The following GPATCH1 variants were observed in gnomAD, a reference collection of about 807,000 sequenced individuals.
The protein encoded by GPATCH1 is G-patch domain containing 1, also known as G patch domain-containing protein 1.
Under a neutral mutation model 114.9 loss-of-function variants are expected in GPATCH1, and 73 were observed. That is an observed-to-expected ratio of 0.64 (90% CI 0.53 to 0.77). The LOEUF (loss-of-function observed/expected upper bound fraction) is 0.77, where lower values mean the gene tolerates loss of function less well. Among genes scored for constraint, GPATCH1 ranks in the 30% least tolerant of loss-of-function variants. GPATCH1 has a pLI of 0.00. For synonymous variants in GPATCH1, 391 were observed against 428.4 expected (o/e 0.91, Z 1.08); for missense variants, 1,058 against 1,144.3 (o/e 0.92, Z 1.09).
intron 10 of GPATCH1, among the ~76,000 whole-genome samples, chr19:33,107,800 C>T (rs886359585): frequency 1.3e-5 from 2 of 151,998 alleles, no homozygotes; most frequent in African/African-American, 2.4e-5. Flanking sequence ...ATCCACTGCT[C>T]GGACCAGGAT....
At chr19:33,103,528 C>A (rs2145318831) in intron 9 of GPATCH1, among the ~76,000 whole-genome samples, 1 of 152,046 alleles carries the variant, frequency 6.6e-6, no homozygotes, top group East Asian at 1.9e-4. Context: ...TGGCGAAACC[C>A]CACCTCTACT....
chr19:33,084,868 C>T (rs1252068434), intron 1 of GPATCH1, among the ~76,000 whole-genome samples: 2 of 151,804 alleles, frequency 1.3e-5, no homozygotes, highest in African/African-American at 2.4e-5. Flanking sequence ...ACAATGTTGG[C>T]CAGGCTGGTC....
intron 8 of GPATCH1, among the ~76,000 whole-genome samples, chr19:33,099,057 T>G (rs751982393): frequency 1.4e-4 from 21 of 148,678 alleles, no homozygotes; most frequent in Non-Finnish European, 2.7e-4. Flanking sequence ...TATATCATAA[T>G]ATACTATTTA....
chr19:33,112,826 C>T (rs1439748606), intron 13 of GPATCH1: 1 of 410,092 alleles, frequency 2.4e-6, no homozygotes, highest in Non-Finnish European at 4.3e-6. Flanking sequence ...AACTTTATTC[C>T]ATATTGAAGC....
chr19:33,113,482 C>T, intron 13 of GPATCH1: 1 of 293,654 alleles, frequency 3.4e-6, no homozygotes, highest in Non-Finnish European at 6.3e-6. Flanking sequence ...CATATGTGGT[C>T]AAACCAGAGA....
At chr19:33,093,641 G>T (rs966448832) in intron 4 of GPATCH1, 122 bp downstream of exon 4, 1 of 909,764 alleles carries the variant, frequency 1.1e-6, no homozygotes, top group South Asian at 1.6e-5. Context: ...AAGTCTAAGT[G>T]AAAAAGGGGG....
chr19:33,103,391 G>A (rs1032111895), intron 9 of GPATCH1, among the ~76,000 whole-genome samples: 1 of 152,114 alleles, frequency 6.6e-6, no homozygotes, highest in Non-Finnish European at 1.5e-5. Flanking sequence ...AAATGCAGGT[G>A]TTTTACATGT....
At chr19:33,083,609 G>A (rs1972504146) in intron 1 of GPATCH1, among the ~76,000 whole-genome samples, 1 of 152,050 alleles carries the variant, frequency 6.6e-6, no homozygotes, top group Non-Finnish European at 1.5e-5. Flanking sequence ...TGGCCAGGCT[G>A]GTCTTGAAGT....
chr19:33,096,257 T>A lies in GPATCH1; in HGVS notation c.663T>A (p.Asp221Glu). 1.9e-6 allele frequency: 3 copies of A among 1,613,382 alleles called. No homozygotes were observed. The highest frequency in any genetic ancestry group is 2.5e-6 in the Non-Finnish European group (3 of 1,179,300). ...LPDNVTFAPKDVTPVDFTPKD... is the reference protein window; with the variant it reads ...LPDNVTFAPKEVTPVDFTPKD... ...ATAATGTGACCTTTGCACCCAAAGA[T>A]GTCACACCTGTGGATTTCACACCTA... Residue 221 changes from aspartate (D) to glutamate (E), a missense_variant, in exon 7 of 20, where the codon GAT becomes GAA. By Grantham distance (45) the Asp-to-Glu change is conservative. Transcript: ENST00000170564.
intron 2 of GPATCH1, among the ~76,000 whole-genome samples, chr19:33,090,478 C>G (rs1481002264): frequency 1.3e-5 from 2 of 152,200 alleles, no homozygotes; most frequent in African/African-American, 4.8e-5. Context: ...GACCTTGCAT[C>G]TGTCAGCTCA....
intron 19 of GPATCH1, among the ~76,000 whole-genome samples, chr19:33,128,851 G>T (rs1240362195): frequency 6.6e-6 from 1 of 152,140 alleles, no homozygotes; most frequent in East Asian, 1.9e-4. Flanking sequence ...CTGTTGTGTG[G>T]ATACTGGGTT....
intron 17 of GPATCH1, among the ~76,000 whole-genome samples, chr19:33,120,426 C>A (rs1316313102): frequency 6.8e-6 from 1 of 147,578 alleles, no homozygotes; most frequent in Non-Finnish European, 1.5e-5. Context: ...GCCTGTAATC[C>A]CAGCTAGTAA....
intron 17 of GPATCH1, among the ~76,000 whole-genome samples, chr19:33,120,222 TTAGA>T (rs1380004790): frequency 2.1e-5 from 3 of 140,054 alleles, no homozygotes; most frequent in Non-Finnish European, 3.0e-5. Context: ...ATATATATAT[TTAGA>T]TATTTTATAA....
Position 33,111,753 on chromosome 19 carries a change from A to G in GPATCH1, c.1615A>G (p.Met539Val). The stretch of plus-strand genomic sequence containing the variant: ...TCTGGAACGCTGTCTGGACCCCAGC[A>G]TGACAGAGTGGGAGCGAGGCCGTGA... ...DALERCLDPS[M>V]TEWERGRERD... The change falls in exon 12 of 20, where the codon ATG (methionine) becomes GTG (valine). Residue 539 changes from methionine to valine, a missense_variant. Physicochemically the swap from Met to Val is conservative, Grantham distance 21. Around this residue, in one of 3 missense-constraint regions of GPATCH1, gnomAD observed 893 missense variants for 977.4 expected, o/e 0.91. Coordinates refer to ENST00000170564, the MANE Select transcript of GPATCH1 (RefSeq NM_018025.3). 1.2e-6 allele frequency: 2 copies of G among 1,614,132 alleles called. No homozygotes were observed.
chr19:33,113,446 G>GA (rs369277976), intron 13 of GPATCH1: 1,316 of 206,934 alleles, frequency 6.4e-3, no homozygotes, highest in South Asian at 0.011. Context: ...AATCTCAAGA[G>GA]AAAAAAAAAC....
At chr19:33,118,326 G>C (rs545937628) in intron 16 of GPATCH1, among the ~76,000 whole-genome samples, 1 of 151,532 alleles carries the variant, frequency 6.6e-6, no homozygotes, top group Non-Finnish European at 1.5e-5. Context: ...CTACAGGAAT[G>C]TGCCACCACC....
intron 2 of GPATCH1, among the ~76,000 whole-genome samples, chr19:33,088,658 CTTT>C (rs10658695): frequency 8.3e-5 from 8 of 96,188 alleles, no homozygotes; most frequent in Non-Finnish European, 1.1e-4. Flanking sequence ...GCCACCTTTG[CTTT>C]TTTTTTTTTT....
At chr19:33,082,061 G>C (rs777014408) in intron 1 of GPATCH1, among the ~76,000 whole-genome samples, 4 of 119,798 alleles carry the variant, frequency 3.3e-5, no homozygotes, top group African/African-American at 1.2e-4. Context: ...TTGGGGATGG[G>C]TAAGAGTGAA....
chr19:33,101,356 T>A, intron 8 of GPATCH1, 139 bp from the exon 9 acceptor site: 1 of 624,548 alleles, frequency 1.6e-6, no homozygotes. Context: ...TGTTCTTCCC[T>A]TTACTGCTGC....
Sources: gnomAD v4.1 joint callset for allele counts (sites outside exome capture counted in the v4.1 genomes callset) on GRCh38, gnomAD v4.1.1 for gene constraint, gnomAD v4.1.1 regional missense constraint, MANE v1.5 for transcripts, NCBI Gene and HGNC (gene_info 2026-07-23, HGNC 2026-07-21) for gene names.